CCT5: variants seen among roughly 807,000 people sequenced by gnomAD.
CCT5 encodes the protein chaperonin containing TCP1 subunit 5, also known as T-complex protein 1 subunit epsilon.
CCT5 carries 6 observed loss-of-function variants against 55.0 expected under a neutral mutation model. That is an observed-to-expected ratio of 0.11 (90% CI 0.06 to 0.22). The LOEUF (loss-of-function observed/expected upper bound fraction) is 0.22. CCT5 is among the 10% of genes least tolerant of loss of function. The pLI, the probability that CCT5 is intolerant of heterozygous loss-of-function variation, is 1.00. For synonymous variants in CCT5, 231 were observed against 243.7 expected (o/e 0.95, Z 0.49); for missense variants, 560 against 694.6 (o/e 0.81, Z 2.18).
chr5:10,255,867 T>G, intron 3 of CCT5, 88 bp from the exon 4 acceptor site: 4 of 1,150,560 alleles, frequency 3.5e-6, no homozygotes, highest in Non-Finnish European at 5.1e-6. Flanking sequence ...GCTGCTTCTT[T>G]CCATGATAGC....
chr5:10,250,439 C>T lies in CCT5; in HGVS notation c.99C>T (p.Ala33=). The change falls in exon 1 of 11, where the codon GCC becomes GCT. Residue 33 remains alanine (A), a synonymous_variant. Transcript: ENST00000280326. ...AGTCCCGTCTTATGGGACTTGAGGC[C>T]CTCAAGGTAATGGCACAGGGACCTG... ...DRKSRLMGLE[A]LKSHIMAAKA... is the part of the protein sequence containing the mutation. 6.2e-7 allele frequency: 1 copy of T among 1,613,354 alleles called. No homozygotes were observed. The highest frequency in any genetic ancestry group is 8.5e-7 in the Non-Finnish European group (1 of 1,180,012).
intron 6 of CCT5, among the ~76,000 whole-genome samples, chr5:10,260,067 G>C (rs947755643): frequency 6.6e-6 from 1 of 152,174 alleles, no homozygotes; most frequent in Non-Finnish European, 1.5e-5. Flanking sequence ...GTATAAGGAG[G>C]CTGCTGTTCT....
At position 10,263,307 on chromosome 5, in the gene CCT5, G is replaced by A. The variant is rs771882069; in HGVS notation, c.1491G>A (p.Gly497=). Residue 497 remains glycine (G), a synonymous_variant, in exon 10 of 11, where the codon GGG becomes GGA. Coordinates refer to ENST00000280326, the MANE Select transcript of CCT5 (RefSeq NM_012073.5). Reference sequence around the variant, plus strand: ...TTGGCATCGACTGTTTGCACAAGGGGACAAATGGTGAGGAGCTGTCACGCC... The same window carrying A: ...TTGGCATCGACTGTTTGCACAAGGGAACAAATGGTGAGGAGCTGTCACGCC... ...PALGIDCLHK[G]TNDMKQQHVI... The A allele has an allele frequency of 1.9e-5, 30 of 1,612,000 alleles. 1 individual carries two copies. The South Asian group carries it at 3.3e-4, about 18-fold the overall frequency.
rs1408639316 is a variant in CCT5 at position 10,250,340 on chromosome 5, C to G, written c.-1C>G. 1 of 1,613,962 alleles carries G rather than the reference C, an allele frequency of 6.2e-7. No homozygotes were observed. Among genetic ancestry groups the G allele is most frequent in the Non-Finnish European group, 8.5e-7 (1 of 1,180,038 alleles). On this transcript the variant is annotated 5_prime_UTR_variant, in exon 1 of 11. Transcript: ENST00000280326. ...GGGGAAGTAATTCCGGTTGTTGCAC[C>G]ATGGCGTCCATGGGGACCCTCGCCT...
At chr5:10,255,589 A>G (rs565451532) in intron 3 of CCT5, among the ~76,000 whole-genome samples, 1 of 65,426 alleles carries the variant, frequency 1.5e-5, no homozygotes, top group African/African-American at 3.2e-5. Flanking sequence ...GGTGGGGGGA[A>G]TAAATAATAA....
chr5:10,259,609 T>C (rs747031928), intron 6 of CCT5, among the ~76,000 whole-genome samples: 1 of 152,152 alleles, frequency 6.6e-6, no homozygotes, highest in Non-Finnish European at 1.5e-5. Context: ...GCAGTGCCCC[T>C]GGGGGAGGAG....
At chr5:10,253,645 G>A (rs1352120547) in intron 1 of CCT5, among the ~76,000 whole-genome samples, 3 of 152,178 alleles carry the variant, frequency 2.0e-5, no homozygotes, top group Non-Finnish European at 4.4e-5. Flanking sequence ...GCCCCTCCTT[G>A]TCTGCAGATG....
intron 7 of CCT5, 91 bp downstream of exon 7, chr5:10,261,002 A>G: frequency 7.5e-7 from 1 of 1,341,738 alleles, no homozygotes; most frequent in Admixed American, 1.7e-5. Flanking sequence ...AAATAACTGC[A>G]TCACACCAAG....
Position 10,266,183 on chromosome 5 carries a change from A to G in CCT5, c.*1400A>G, listed in dbSNP as rs140380065. 529 of 152,340 alleles carry G rather than the reference A, an allele frequency of 3.5e-3. 1 individual carries two copies. The highest frequency in any genetic ancestry group is 0.012 in the African/African-American group (504 of 41,580). 9.4% of individuals were successfully genotyped at this position (152,340 alleles called of 1,614,324 possible). On this transcript the variant is annotated 3_prime_UTR_variant, in exon 11 of 11. Transcript: ENST00000280326. ...GTCTAGCCTACAGAGAACATACAGC[A>G]GCCTTCTTTGGACCACAGTCTTATC...
Position 10,258,342 on chromosome 5 carries a change from A to C in CCT5, c.723+39A>C, listed in dbSNP as rs1190545696. Reference sequence around the variant, plus strand: ...TCTCACAGCTTCGCACTGTTGGTTAACTCTTAATTCCACCAATTAAAATGT... The same window carrying C: ...TCTCACAGCTTCGCACTGTTGGTTACCTCTTAATTCCACCAATTAAAATGT... On this transcript the variant is annotated intron_variant, in intron 5 of 10. Transcript: ENST00000280326. The C allele has an allele frequency of 5.6e-6, 9 of 1,613,916 alleles. No individual in the cohort carries two copies. In the Admixed American group the frequency reaches 1.5e-4, roughly 27 times the overall value.
chr5:10,250,736 C>T (rs1745350016), intron 1 of CCT5: 1 of 1,251,604 alleles, frequency 8.0e-7, no homozygotes, highest in Non-Finnish European at 1.0e-6. Flanking sequence ...GGGACCGCCT[C>T]CCCGCCCGGC....
At position 10,256,686 on chromosome 5, in the gene CCT5, CA is replaced by C. The variant is rs10643743; in HGVS notation, c.530+547del. Among the ~76,000 whole-genome samples the C allele has an allele frequency of 6.4e-3, 909 of 142,286 alleles. 8 individuals carry two copies. Among genetic ancestry groups the C allele is most frequent in the African/African-American group, 0.023 (867 of 37,782 alleles). The allele number at this position is 142,286 out of a possible 152,430, so 93.3% of individuals were successfully genotyped here. On this transcript the variant is annotated intron_variant, in intron 4 of 10. Transcript: ENST00000280326. The stretch of plus-strand genomic sequence containing the variant: ...TGAGCAACAGAGCGAGACCCTGTCT[CA>C]AAAAAAAAAAAAAGTCAACTAGAAA...
intron 4 of CCT5, among the ~76,000 whole-genome samples, chr5:10,257,205 A>G (rs1745727247): frequency 6.6e-6 from 1 of 152,202 alleles, no homozygotes; most frequent in Non-Finnish European, 1.5e-5. Flanking sequence ...CCCTGAGCAA[A>G]GCCTATGTTA....
chr5:10,261,008 C>T (rs905036916), intron 7 of CCT5, 97 bp downstream of exon 7: 3 of 1,277,470 alleles, frequency 2.3e-6, no homozygotes, highest in African/African-American at 2.9e-5. Flanking sequence ...CTGCATCACA[C>T]CAAGGCTGGC....
chr5:10,253,664 G>A lies in CCT5; in HGVS notation c.106-481G>A, dbSNP rs191588954. Reference sequence around the variant, plus strand: ...CTCCTTGTCTGCAGATGGGGAACCCGCAGATGTACAAGCCTAGATGCAAGG... The same window carrying A: ...CTCCTTGTCTGCAGATGGGGAACCCACAGATGTACAAGCCTAGATGCAAGG... On this transcript the variant is annotated intron_variant, in intron 1 of 10. Transcript: ENST00000280326. Among the ~76,000 whole-genome samples the A allele has an allele frequency of 6.0e-4, 91 of 152,330 alleles. No individual in the cohort carries two copies. The Middle Eastern group carries it at 0.01, about 17-fold the overall frequency.
intron 8 of CCT5, 143 bp downstream of exon 8, chr5:10,261,888 A>G (rs532046384): frequency 2.6e-6 from 2 of 755,590 alleles, no homozygotes; most frequent in Non-Finnish European, 2.4e-6. Context: ...ATGGTGTAAA[A>G]TTACTGAAGA....
rs1745561724 is a variant in CCT5, at chr5:10,254,174, A to G, written c.135A>G (p.Ala45=). ...KSHIMAAKAV[A]NTMRTSLGPN... ...ATATAATGGCAGCAAAGGCTGTAGC[A>G]AATACAATGAGAACATCACTTGGAC... The change falls in exon 2 of 11, where the codon GCA becomes GCG. Residue 45 remains alanine (A), a synonymous_variant. Coordinates refer to ENST00000280326, the MANE Select transcript of CCT5 (RefSeq NM_012073.5). The G allele has an allele frequency of 1.2e-6, 2 of 1,610,430 alleles. No individual in the cohort carries two copies. The highest frequency in any genetic ancestry group is 1.7e-4 in the Middle Eastern group (1 of 6,012).
chr5:10,254,806 A>T lies in CCT5; in HGVS notation c.299A>T (p.Asp100Val). The T allele has an allele frequency of 6.2e-7, 1 of 1,614,052 alleles. No individual in the cohort carries two copies. Among genetic ancestry groups the T allele is most frequent in the Admixed American group, 1.7e-5 (1 of 60,024 alleles). Residue 100 changes from aspartate to valine, a missense_variant, in exon 3 of 11, where the codon GAT becomes GTT. Physicochemically the swap from Asp to Val is radical, Grantham distance 152. This residue lies in a region of CCT5 where 137 missense variants were observed against 181.9 expected (regional missense o/e 0.75). Coordinates refer to ENST00000280326, the MANE Select transcript of CCT5 (RefSeq NM_012073.5). ...LMVELSKSQD[D>V]EIGDGTTGVV... ...GTGGAACTGTCCAAGTCTCAGGATGATGAAATTGGAGATGGAACCACAGGA... is the reference window on the plus strand; with the variant it reads ...GTGGAACTGTCCAAGTCTCAGGATGTTGAAATTGGAGATGGAACCACAGGA...
At chr5:10,252,473 G>C (rs563168552) in intron 1 of CCT5, among the ~76,000 whole-genome samples, 4 of 151,138 alleles carry the variant, frequency 2.6e-5, no homozygotes, top group Admixed American at 6.6e-5. Context: ...GCATTGACTG[G>C]GCGCGGTGGC....
Sources: gnomAD v4.1 joint callset for allele counts (sites outside exome capture counted in the v4.1 genomes callset) on GRCh38, gnomAD v4.1.1 for gene constraint, gnomAD v4.1.1 regional missense constraint, MANE v1.5 for transcripts, NCBI Gene and HGNC (gene_info 2026-07-23, HGNC 2026-07-21) for gene names.